REDIC1: variants seen among roughly 807,000 people sequenced by gnomAD.
REDIC1 encodes the protein HEI10 Interacting Protein 1.
the REDIC1 span, among the ~76,000 whole-genome samples, chr12:39,902,316 T>G: frequency 6.6e-6 from 1 of 151,696 alleles, no homozygotes; most frequent in Non-Finnish European, 1.5e-5. Context: ...ATTGTGCAAA[T>G]GTACCCTAAA....
the REDIC1 span, among the ~76,000 whole-genome samples, chr12:39,707,659 A>G: frequency 6.6e-6 from 1 of 151,944 alleles, no homozygotes; most frequent in Non-Finnish European, 1.5e-5. Context: ...ATTAAACACA[A>G]TCTAATAATC....
the REDIC1 span, among the ~76,000 whole-genome samples, chr12:39,713,964 G>T: frequency 1.4e-5 from 2 of 147,060 alleles, no homozygotes; most frequent in Non-Finnish European, 3.0e-5. Context: ...TGTATATACA[G>T]GTATGTGCAT....
chr12:39,837,874 C>A, the REDIC1 span, among the ~76,000 whole-genome samples: 2 of 151,104 alleles, frequency 1.3e-5, no homozygotes, highest in Non-Finnish European at 3.0e-5. Flanking sequence ...GAAATAGAAA[C>A]ACTTTTACAC....
At chr12:39,720,959 A>C in the REDIC1 span, 1 of 1,613,776 alleles carries the variant, frequency 6.2e-7, no homozygotes, top group East Asian at 2.2e-5. Flanking sequence ...AATTTCTACC[A>C]GTTCTCAGTG....
At chr12:39,830,276 C>T in the REDIC1 span, 1 of 1,593,130 alleles carries the variant, frequency 6.3e-7, no homozygotes, top group African/African-American at 1.3e-5. Context: ...ACAACTGGTG[C>T]TCACCATATA....
At chr12:39,899,064 T>C in the REDIC1 span, among the ~76,000 whole-genome samples, 1 of 152,116 alleles carries the variant, frequency 6.6e-6, no homozygotes, top group Non-Finnish European at 1.5e-5. Context: ...TGGTACCAGT[T>C]CCTCCTTGTA....
chr12:39,745,494 T>G, the REDIC1 span, among the ~76,000 whole-genome samples: 1 of 152,196 alleles, frequency 6.6e-6, no homozygotes, highest in Non-Finnish European at 1.5e-5. Context: ...AATAATAGTG[T>G]TTTGGATATA....
the REDIC1 span, among the ~76,000 whole-genome samples, chr12:39,848,436 T>C: frequency 1.1e-4 from 16 of 152,136 alleles, no homozygotes; most frequent in Non-Finnish European, 1.9e-4. Flanking sequence ...TCCATATCAC[T>C]AATCATTAGA....
chr12:39,838,838 A>G, the REDIC1 span, among the ~76,000 whole-genome samples: 7 of 152,018 alleles, frequency 4.6e-5, no homozygotes, highest in South Asian at 4.2e-4. Context: ...CCCTCTGCAA[A>G]ACGGTCCATT....
chr12:39,716,459 TA>T, the REDIC1 span, among the ~76,000 whole-genome samples: 1 of 152,032 alleles, frequency 6.6e-6, no homozygotes, highest in Non-Finnish European at 1.5e-5. Flanking sequence ...GTTCATAAAA[TA>T]TAATGCATAT....
chr12:39,696,772 T>C, the REDIC1 span, among the ~76,000 whole-genome samples: 2 of 151,824 alleles, frequency 1.3e-5, no homozygotes, highest in Non-Finnish European at 2.9e-5. Flanking sequence ...AGCTGAAAAA[T>C]GCAATTGACA....
chr12:39,779,896 C>G, the REDIC1 span, among the ~76,000 whole-genome samples: 31 of 152,304 alleles, frequency 2.0e-4, no homozygotes, highest in South Asian at 6.4e-3. Flanking sequence ...CTGCAGGTGC[C>G]TGAGAATGAA....
chr12:39,794,452 A>C, the REDIC1 span, among the ~76,000 whole-genome samples: 2 of 152,186 alleles, frequency 1.3e-5, no homozygotes, highest in African/African-American at 4.8e-5. Flanking sequence ...TTCCCCATAC[A>C]TAATTAACTA....
chr12:39,688,289 A>G, the REDIC1 span, among the ~76,000 whole-genome samples: 7 of 152,230 alleles, frequency 4.6e-5, no homozygotes, highest in African/African-American at 1.7e-4. Context: ...AGTAACAGAT[A>G]CTTCTAAGTT....
the REDIC1 span, among the ~76,000 whole-genome samples, chr12:39,907,118 TTAC>T: frequency 3.9e-5 from 6 of 152,276 alleles, no homozygotes; most frequent in African/African-American, 9.6e-5. Flanking sequence ...TTAGTTGTAG[TTAC>T]TACATTTTAG....
the REDIC1 span, among the ~76,000 whole-genome samples, chr12:39,828,600 T>G: frequency 1.1e-4 from 17 of 152,252 alleles, no homozygotes; most frequent in African/African-American, 3.1e-4. Context: ...TACTACTTAG[T>G]AGAGTTCTAA....
chr12:39,818,618 T>C, the REDIC1 span, among the ~76,000 whole-genome samples: 1 of 152,186 alleles, frequency 6.6e-6, no homozygotes, highest in Non-Finnish European at 1.5e-5. Context: ...ACCTTTGAAA[T>C]TCTGTTTCAA....
the REDIC1 span, among the ~76,000 whole-genome samples, chr12:39,657,949 G>A: frequency 6.6e-6 from 1 of 151,892 alleles, no homozygotes; most frequent in South Asian, 2.1e-4. Context: ...TTTTTAAGAG[G>A]TAAGGTCATT....
chr12:39,763,595 G>C, the REDIC1 span, among the ~76,000 whole-genome samples: 5 of 152,050 alleles, frequency 3.3e-5, no homozygotes, highest in African/African-American at 1.2e-4. Context: ...AAAGAGAAAT[G>C]ATAAGTGGCC....
Sources: allele counts gnomAD v4.1 joint callset (sites outside exome capture counted in the v4.1 genomes callset), GRCh38; gene constraint gnomAD v4.1.1; transcripts MANE v1.5; gene names NCBI Gene and HGNC (gene_info 2026-07-23, HGNC 2026-07-21).